The following PRLR variants were observed in gnomAD, a reference collection of about 807,000 sequenced individuals.
PRLR encodes hPRL receptor.
Under a neutral mutation model 40.2 loss-of-function variants are expected in PRLR, and 13 were observed. The ratio of observed to expected loss-of-function variants is 0.32; its 90% CI spans 0.21 to 0.51. PRLR has a LOEUF of 0.51. Ranked by LOEUF, PRLR falls within the 20% of genes least tolerant of loss-of-function variation. The pLI, the probability that PRLR is intolerant of heterozygous loss-of-function variation, is 0.97. For missense variants in PRLR, 656 were observed against 747.3 expected (o/e 0.88, Z 1.42); for synonymous variants, 269 against 278.7 (o/e 0.97, Z 0.35).
chr5:35,132,084 C>T (rs954257287), intron 1 of PRLR, among the ~76,000 whole-genome samples: 2 of 152,160 alleles, frequency 1.3e-5, no homozygotes, highest in Non-Finnish European at 2.9e-5. Context: ...TTGATGTTGT[C>T]ATTAGCATGT....
At chr5:35,145,804 C>A (rs762572130) in intron 1 of PRLR, among the ~76,000 whole-genome samples, 1 of 149,978 alleles carries the variant, frequency 6.7e-6, no homozygotes, top group Non-Finnish European at 1.5e-5. Context: ...TGGTTAGAAA[C>A]TTCTTTATAA....
chr5:35,218,000 A>G (rs1413805854), intron 1 of PRLR, among the ~76,000 whole-genome samples: 2 of 152,194 alleles, frequency 1.3e-5, no homozygotes. Flanking sequence ...CCCAATAAAG[A>G]AGAAACTTAC....
intron 1 of PRLR, among the ~76,000 whole-genome samples, chr5:35,182,684 C>T (rs1341069485): frequency 6.6e-6 from 1 of 152,138 alleles, no homozygotes; most frequent in Non-Finnish European, 1.5e-5. Flanking sequence ...GGTGGGATCT[C>T]AAGGGCTGAA....
At chr5:35,230,099 C>T (rs1253149636) in intron 1 of PRLR, among the ~76,000 whole-genome samples, 169 bp downstream of exon 1, 1 of 152,142 alleles carries the variant, frequency 6.6e-6, no homozygotes, top group African/African-American at 2.4e-5. Flanking sequence ...GCTTCCCCGC[C>T]GGCTGCCGAC....
intron 1 of PRLR, among the ~76,000 whole-genome samples, chr5:35,165,613 A>T (rs929338111): frequency 1.3e-5 from 2 of 152,190 alleles, no homozygotes; most frequent in African/African-American, 2.4e-5. Flanking sequence ...TGCCTGGGTA[A>T]CCATTGGCCT....
At chr5:35,211,997 G>C (rs1776179685) in intron 1 of PRLR, among the ~76,000 whole-genome samples, 1 of 152,166 alleles carries the variant, frequency 6.6e-6, no homozygotes, top group African/African-American at 2.4e-5. Flanking sequence ...TTGAGGAATT[G>C]TGACAGAGGC....
intron 9 of PRLR, among the ~76,000 whole-genome samples, chr5:35,067,687 T>G (rs893652500): frequency 3.3e-5 from 5 of 152,232 alleles, no homozygotes; most frequent in African/African-American, 1.2e-4. Context: ...AAACACTCAT[T>G]ATTTAATTCC....
In PRLR at chr5:35,132,607, T is replaced by C. The variant is rs560477293; in HGVS notation, c.-105-14485A>G. 3.3e-5 allele frequency among the ~76,000 whole-genome samples: 5 copies of C among 152,304 alleles called. No individual in the cohort carries two copies. The East Asian group carries it at 7.7e-4, about 24-fold the overall frequency. On this transcript the variant is annotated intron_variant, in intron 1 of 9. Transcript: ENST00000618457. Reference sequence around the variant, plus strand: ...GGAAACACATTAGTCCTATTCAAAATAGGAAACACATTGGTGAATTACTCT... The same window carrying C: ...GGAAACACATTAGTCCTATTCAAAACAGGAAACACATTGGTGAATTACTCT...
At chr5:35,229,747 G>T (rs1317486413) in intron 1 of PRLR, among the ~76,000 whole-genome samples, 1 of 152,112 alleles carries the variant, frequency 6.6e-6, no homozygotes, top group African/African-American at 2.4e-5. Context: ...AACTTTCCCC[G>T]CCGGATGCCC....
chr5:35,084,174 GCA>G (rs1310788581), intron 5 of PRLR, among the ~76,000 whole-genome samples: 1 of 152,172 alleles, frequency 6.6e-6, no homozygotes, highest in African/African-American at 2.4e-5. Flanking sequence ...AATTGCAAGG[GCA>G]GGGCAAGAAA....
At position 35,175,939 on chromosome 5, in the gene PRLR, ATTG is replaced by A. The variant is rs1185871445; in HGVS notation, c.-106+54326_-106+54328del. 7.2e-5 allele frequency among the ~76,000 whole-genome samples: 11 copies of A among 152,310 alleles called. No individual in the cohort carries two copies. In the East Asian group the frequency reaches 2.1e-3, roughly 29 times the overall value. The stretch of plus-strand genomic sequence containing the variant: ...GAAATCCCACTAAACAGGGACAGCT[ATTG>A]TTAACATTTGGTGGTATATTCTTTG... On this transcript the variant is annotated intron_variant, in intron 1 of 9. Coordinates refer to ENST00000618457, the MANE Select transcript of PRLR (RefSeq NM_000949.7).
chr5:35,160,119 C>T (rs1774632756), intron 1 of PRLR, among the ~76,000 whole-genome samples: 1 of 152,228 alleles, frequency 6.6e-6, no homozygotes, highest in Admixed American at 6.5e-5. Flanking sequence ...AGGCAAACTA[C>T]TGCTCTGGAC....
chr5:35,068,246 T>A lies in PRLR; in HGVS notation c.825A>T (p.Lys275Asn), dbSNP rs1424982389. 1 of 1,613,560 alleles carries A rather than the reference T, an allele frequency of 6.2e-7. No individual in the cohort carries two copies. The highest frequency in any genetic ancestry group is 1.7e-5 in the Admixed American group (1 of 60,026). Residue 275 changes from lysine (K) to asparagine (N), a missense_variant, in exon 9 of 10, where the codon AAA becomes AAT. Lys to Asn is a moderately conservative substitution (Grantham distance 94, BLOSUM62 0). Transcript: ENST00000618457. The part of the protein sequence containing the change: ...TCIFPPVPGP[K>N]IKGFDAHLLE... ...ACAGATGAGCATCAAATCCTTTTATTTTTGGCCCAGGAACTGGCGGAAAGA... is the reference window on the plus strand; with the variant it reads ...ACAGATGAGCATCAAATCCTTTTATATTTGGCCCAGGAACTGGCGGAAAGA...
intron 1 of PRLR, among the ~76,000 whole-genome samples, chr5:35,215,575 A>G (rs974232887): frequency 2.0e-5 from 3 of 152,202 alleles, no homozygotes; most frequent in African/African-American, 7.2e-5. Flanking sequence ...AGTGAGACAG[A>G]GAGGTAACTC....
At position 35,144,819 on chromosome 5, in the gene PRLR, G is replaced by T. The variant is rs148247142; in HGVS notation, c.-105-26697C>A. On this transcript the variant is annotated intron_variant, in intron 1 of 9. Transcript: ENST00000618457. ...AGGGTCTCACTGTGTTGCCCAGGCTGAACTTCAAGTCCTGGTCTAGAGCCT... is the reference window on the plus strand; with the variant it reads ...AGGGTCTCACTGTGTTGCCCAGGCTTAACTTCAAGTCCTGGTCTAGAGCCT... 5.1e-3 allele frequency among the ~76,000 whole-genome samples: 779 copies of T among 152,166 alleles called. 6 individuals are homozygous for T. The highest frequency in any genetic ancestry group is 0.018 in the African/African-American group (728 of 41,488).
intron 1 of PRLR, among the ~76,000 whole-genome samples, chr5:35,172,514 C>T (rs977882756): frequency 3.3e-5 from 5 of 152,172 alleles, no homozygotes; most frequent in South Asian, 2.1e-4. Flanking sequence ...TGGTGACTGT[C>T]CCACCCTCTG....
intron 1 of PRLR, among the ~76,000 whole-genome samples, chr5:35,131,739 G>A (rs1773688127): frequency 6.6e-6 from 1 of 152,034 alleles, no homozygotes; most frequent in Non-Finnish European, 1.5e-5. Flanking sequence ...TCATTCTCAG[G>A]GTAGGCTCAA....
chr5:35,198,223 C>T (rs182742899), intron 1 of PRLR, among the ~76,000 whole-genome samples: 2 of 152,342 alleles, frequency 1.3e-5, no homozygotes, highest in East Asian at 3.9e-4. Context: ...ATTGAGAAGG[C>T]TTGCCCCAGG....
chr5:35,161,217 T>C (rs1411188794), intron 1 of PRLR, among the ~76,000 whole-genome samples: 1 of 152,232 alleles, frequency 6.6e-6, no homozygotes, highest in Non-Finnish European at 1.5e-5. Context: ...GTTGTCATCC[T>C]GGCTTCATTC....
Sources: gnomAD v4.1 joint callset for allele counts (sites outside exome capture counted in the v4.1 genomes callset) on GRCh38, gnomAD v4.1.1 for gene constraint, MANE v1.5 for transcripts, NCBI Gene and HGNC (gene_info 2026-07-23, HGNC 2026-07-21) for gene names.